The following WDR43 variants were observed in gnomAD, a reference collection of about 807,000 sequenced individuals.
The protein encoded by WDR43 is WD repeat-containing protein 43.
A neutral mutation model predicts 91.4 loss-of-function variants in WDR43; 13 were observed. The observed-to-expected ratio is 0.14, with a 90% CI of 0.09 to 0.23. The LOEUF (loss-of-function observed/expected upper bound fraction) is 0.23, where lower values mean the gene tolerates loss of function less well. WDR43 is among the 10% of genes least tolerant of loss of function. The pLI, the probability that WDR43 is intolerant of heterozygous loss-of-function variation, is 1.00. For synonymous variants in WDR43, 331 were observed against 287.9 expected, an observed-to-expected ratio of 1.15 and a Z score of -1.51; for missense variants, 780 against 809.4, an observed-to-expected ratio of 0.96 and a Z score of 0.44.
At position 28,946,678 on chromosome 2, in the gene WDR43, G is replaced by C. The variant is rs1218591530; in HGVS notation, c.1933G>C (p.Gly645Arg). The change falls in exon 18 of 18, where the codon GGA becomes CGA. Residue 645 changes from glycine to arginine, a missense_variant. Physicochemically the swap from Gly to Arg is moderately radical, Grantham distance 125. Around this residue, in one of 4 missense-constraint regions of WDR43, gnomAD observed 426 missense variants for 467.8 expected, o/e 0.91. Transcript: ENST00000407426. ...DVEEEDEDAE[G>R]KDEENGEDRD... Reference sequence around the variant, plus strand: ...TGAAGAGGAAGATGAGGATGCCGAAGGAAAAGATGAAGAAAATGGCGAGGA... The same window carrying C: ...TGAAGAGGAAGATGAGGATGCCGAACGAAAAGATGAAGAAAATGGCGAGGA... The C allele has an allele frequency of 6.4e-7, 1 of 1,568,270 alleles. No homozygotes were observed. Among genetic ancestry groups the C allele is most frequent in the African/African-American group, 1.4e-5 (1 of 73,748 alleles).
intron 16 of WDR43, among the ~76,000 whole-genome samples, chr2:28,943,357 A>G (rs1671484632): frequency 6.6e-6 from 1 of 152,068 alleles, no homozygotes; most frequent in Non-Finnish European, 1.5e-5. Context: ...GATCTTGTAC[A>G]CCGTGGCCTC....
intron 9 of WDR43, 34 bp from the exon 10 acceptor site, chr2:28,927,535 C>T (rs765144370): frequency 6.2e-7 from 1 of 1,610,750 alleles, no homozygotes; most frequent in Non-Finnish European, 8.5e-7. Flanking sequence ...GGTATGATTT[C>T]CTTTTTCACA....
intron 1 of WDR43, among the ~76,000 whole-genome samples, chr2:28,896,701 T>G (rs899220300): frequency 1.3e-5 from 2 of 152,174 alleles, no homozygotes; most frequent in Non-Finnish European, 2.9e-5. Context: ...AAGAGAAATT[T>G]CCTAATCTCA....
intron 6 of WDR43, 34 bp downstream of exon 6, chr2:28,918,029 G>A: frequency 6.6e-7 from 1 of 1,517,110 alleles, no homozygotes; most frequent in Non-Finnish European, 8.9e-7. Flanking sequence ...TTTGTTTTTG[G>A]GTTTCACAGA....
At chr2:28,935,406 T>C in intron 11 of WDR43, 115 bp from the exon 12 acceptor site, 1 of 653,668 alleles carries the variant, frequency 1.5e-6, no homozygotes, top group Non-Finnish European at 2.5e-6. Flanking sequence ...AGTTTGTAGT[T>C]TATTGCCTTG....
In WDR43 at chr2:28,895,218, C is replaced by T. The variant is rs1053352311; in HGVS notation, c.225+295C>T. The T allele has an allele frequency of 5.7e-5, 17 of 297,510 alleles. No homozygotes were observed. The East Asian group carries it at 5.7e-4, about 10-fold the overall frequency. 18.4% of individuals were successfully genotyped at this position (297,510 alleles called of 1,614,324 possible). The stretch of plus-strand genomic sequence containing the variant: ...CGGGCAGCCATGTTCGCCAAGTCCC[C>T]TGGTCCCCCTGGGGCGGCTTCCTTC... On this transcript the variant is annotated intron_variant, in intron 1 of 17. Coordinates refer to ENST00000407426, the MANE Select transcript of WDR43 (RefSeq NM_015131.3).
Position 28,941,478 on chromosome 2 carries a change from C to T in WDR43, c.1638C>T (p.Pro546=). The T allele has an allele frequency of 6.2e-7, 1 of 1,613,160 alleles. No homozygotes were observed. The highest frequency in any genetic ancestry group is 8.5e-7 in the Non-Finnish European group (1 of 1,179,518). Residue 546 remains proline, a synonymous_variant, in exon 15 of 18, where the codon CCC becomes CCT. Transcript: ENST00000407426. ...TTCTCTAGTTGCCTGACCTGGTACC[C>T]CAGCTGGGGACACTCTACCAGTTAA... ...SYLSTLPDLV[P]QLGTLYQLME...
intron 5 of WDR43, 74 bp downstream of exon 5, chr2:28,914,282 T>G: frequency 6.8e-7 from 1 of 1,462,006 alleles, no homozygotes; most frequent in Non-Finnish European, 9.2e-7. Context: ...ATGTAAATTA[T>G]GAATATGGGA....
At chr2:28,907,657 G>A (rs1670708604) in intron 3 of WDR43, among the ~76,000 whole-genome samples, 1 of 151,706 alleles carries the variant, frequency 6.6e-6, no homozygotes, top group Admixed American at 6.6e-5. Flanking sequence ...TGTAATCCCA[G>A]CACTTTGGGA....
chr2:28,925,968 T>G (rs1671131013), intron 8 of WDR43, among the ~76,000 whole-genome samples: 1 of 152,172 alleles, frequency 6.6e-6, no homozygotes, highest in Admixed American at 6.5e-5. Flanking sequence ...TCTTTATTGG[T>G]TTGCTGCATC....
chr2:28,907,057 A>T (rs11688844), intron 3 of WDR43, among the ~76,000 whole-genome samples: 39,101 of 152,036 alleles, frequency 0.26, 6,247 homozygotes, highest in East Asian at 0.77. Context: ...ATGGCAGATG[A>T]TATGGGTCAA....
chr2:28,908,695 A>T (rs899011981), intron 3 of WDR43, among the ~76,000 whole-genome samples: 2 of 152,182 alleles, frequency 1.3e-5, no homozygotes, highest in Admixed American at 1.3e-4. Flanking sequence ...TAATTTCATT[A>T]TGTTTCCAGC....
chr2:28,927,784 A>G (rs1671170578), intron 10 of WDR43, 84 bp downstream of exon 10: 1 of 1,542,622 alleles, frequency 6.5e-7, no homozygotes. Context: ...GATAGAGCCA[A>G]AGTTAAATCT....
intron 15 of WDR43, 70 bp downstream of exon 15, chr2:28,941,644 A>G: frequency 8.5e-7 from 1 of 1,181,602 alleles, no homozygotes; most frequent in Non-Finnish European, 1.2e-6. Context: ...AATAAGGATC[A>G]TTTTGAGACA....
Position 28,935,562 on chromosome 2 carries a change from T to C in WDR43, c.1479T>C (p.Thr493=), listed in dbSNP as rs1671322190. The C allele has an allele frequency of 6.2e-7, 1 of 1,600,164 alleles. No homozygotes were observed. The highest frequency in any genetic ancestry group is 8.5e-7 in the Non-Finnish European group (1 of 1,175,054). ...GGAATGTAAACCTTATAAAGAAGACTGTATTAAGGATGCCCCTGCATACTA... is the reference window on the plus strand; with the variant it reads ...GGAATGTAAACCTTATAAAGAAGACCGTATTAAGGATGCCCCTGCATACTA... ...QTRNVNLIKK[T]VLRMPLHTII... is the part of the protein sequence containing the mutation. Residue 493 remains threonine (T), a synonymous_variant, in exon 12 of 18, where the codon ACT becomes ACC. Transcript: ENST00000407426.
intron 6 of WDR43, among the ~76,000 whole-genome samples, chr2:28,919,642 C>CGA (rs1572591567): frequency 6.6e-6 from 1 of 150,992 alleles, no homozygotes; most frequent in East Asian, 2.0e-4. Context: ...GGTGACAGAG[C>CGA]GAGACTCCGT....
chr2:28,894,738 C>G lies in WDR43; in HGVS notation c.40C>G (p.Pro14Ala). ...GGGGSCDPLA[P>A]AGVPCAFSPH... ...CGGCGGTAGCTGCGACCCCCTGGCC[C>G]CTGCTGGGGTCCCTTGCGCCTTCTC... Residue 14 changes from proline to alanine, a missense_variant, in exon 1 of 18, where the codon CCT becomes GCT. Pro to Ala is a conservative substitution (Grantham distance 27). Transcript: ENST00000407426. The G allele has an allele frequency of 6.3e-7, 1 of 1,588,142 alleles. No individual in the cohort carries two copies. Among genetic ancestry groups the G allele is most frequent in the Admixed American group, 1.8e-5 (1 of 55,520 alleles).
intron 15 of WDR43, 87 bp downstream of exon 15, chr2:28,941,661 T>C: frequency 1.9e-6 from 2 of 1,029,388 alleles, no homozygotes; most frequent in Non-Finnish European, 2.9e-6. Context: ...GACAGGGTCT[T>C]GCTCTGTCGC....
chr2:28,932,459 A>G (rs746559195), intron 11 of WDR43, among the ~76,000 whole-genome samples: 3 of 152,172 alleles, frequency 2.0e-5, no homozygotes, highest in Non-Finnish European at 4.4e-5. Context: ...CACCGTTCCC[A>G]GCCAAGTAAA....
Sources: gnomAD v4.1 joint callset for allele counts (sites outside exome capture counted in the v4.1 genomes callset) on GRCh38, gnomAD v4.1.1 for gene constraint, gnomAD v4.1.1 regional missense constraint, MANE v1.5 for transcripts, NCBI Gene and HGNC (gene_info 2026-07-23, HGNC 2026-07-21) for gene names.